The following BBX variants were observed in gnomAD, a reference collection of about 807,000 sequenced individuals.
BBX encodes HMG box transcription factor BBX.
Under a neutral mutation model 100.2 loss-of-function variants are expected in BBX, and 30 were observed. That is an observed-to-expected ratio of 0.30 (90% CI 0.22 to 0.41). The LOEUF is 0.41. BBX is among the 10% of genes least tolerant of loss of function. BBX has a pLI of 1.00. For missense variants in BBX, 1,023 were observed against 1,129.8 expected (o/e 0.91, Z 1.35); for synonymous variants, 376 against 388.1 (o/e 0.97, Z 0.37).
At chr3:107,719,727 T>C (rs919265078) in intron 5 of BBX, among the ~76,000 whole-genome samples, 3 of 152,074 alleles carry the variant, frequency 2.0e-5, no homozygotes, top group South Asian at 4.1e-4. Flanking sequence ...ATGTTGTGGA[T>C]GTTCACAGGT....
At chr3:107,641,534 A>G (rs2057213268) in intron 2 of BBX, among the ~76,000 whole-genome samples, 2 of 152,142 alleles carry the variant, frequency 1.3e-5, no homozygotes, top group African/African-American at 4.8e-5. Context: ...GTTTTCTTAT[A>G]CTTTTTTTTG....
At chr3:107,692,020 T>C (rs1174695866) in intron 3 of BBX, among the ~76,000 whole-genome samples, 1 of 152,156 alleles carries the variant, frequency 6.6e-6, no homozygotes, top group African/African-American at 2.4e-5. Flanking sequence ...ATTCACCATC[T>C]TTCTTACAGT....
In BBX at chr3:107,528,255, C is replaced by T. The variant is rs530444999; in HGVS notation, c.-84+1857C>T. On this transcript the variant is annotated intron_variant, in intron 2 of 17. Coordinates refer to ENST00000325805, the MANE Select transcript of BBX (RefSeq NM_001142568.3). ...AGAATTTAAAGACGTTTTTGCTTCTCCATTTCCAAGTGTTTCCAAACTTCC... is the reference window on the plus strand; with the variant it reads ...AGAATTTAAAGACGTTTTTGCTTCTTCATTTCCAAGTGTTTCCAAACTTCC... Among the ~76,000 whole-genome samples the T allele has an allele frequency of 1.1e-4, 17 of 152,278 alleles. No homozygotes were observed. In the South Asian group the frequency reaches 3.3e-3, roughly 30 times the overall value.
intron 2 of BBX, among the ~76,000 whole-genome samples, chr3:107,622,127 CT>C (rs2055821576): frequency 6.6e-6 from 1 of 152,082 alleles, no homozygotes; most frequent in African/African-American, 2.4e-5. Flanking sequence ...CTGGCAACCC[CT>C]GTTCTCTTCT....
At chr3:107,591,238 C>T (rs181753021) in intron 2 of BBX, among the ~76,000 whole-genome samples, 6 of 151,912 alleles carry the variant, frequency 3.9e-5, no homozygotes, top group Admixed American at 3.9e-4. Flanking sequence ...ACTGTAATGC[C>T]CATCTGAAGA....
In BBX at chr3:107,710,439, C is replaced by G. The variant is rs1479476013; in HGVS notation, c.-9-13C>G. On this transcript the variant is annotated splice_polypyrimidine_tract_variant and intron_variant, in intron 3 of 17. Coordinates refer to ENST00000325805, the MANE Select transcript of BBX (RefSeq NM_001142568.3). ...CCTGTTTCCCTGTTTCTCTCTCTCT[C>G]TTCCTATTACAGGTCACAGTAATGA... is the stretch of plus-strand genomic sequence containing the variant. 6.3e-7 allele frequency: 1 copy of G among 1,579,124 alleles called. No homozygotes were observed. Among genetic ancestry groups the G allele is most frequent in the South Asian group, 1.2e-5 (1 of 85,848 alleles).
rs530632391 is a variant in BBX, at chr3:107,647,883, CAGAGGAA to C, written c.-10+1986_-10+1992del. The stretch of plus-strand genomic sequence containing the variant: ...GTCTTTCTGGCATGTACATGTCTTG[CAGAGGAA>C]AGAGGAAAGAGAAAAGTGATGGAAC... On this transcript the variant is annotated intron_variant, in intron 3 of 17. Coordinates refer to ENST00000325805, the MANE Select transcript of BBX (RefSeq NM_001142568.3). 1.5e-4 allele frequency among the ~76,000 whole-genome samples: 23 copies of C among 152,184 alleles called. No individual in the cohort carries two copies. The South Asian group carries it at 3.3e-3, about 22-fold the overall frequency.
At chr3:107,612,520 G>T (rs567529693) in intron 2 of BBX, among the ~76,000 whole-genome samples, 1 of 152,122 alleles carries the variant, frequency 6.6e-6, no homozygotes, top group Non-Finnish European at 1.5e-5. Flanking sequence ...TGGTGATCTC[G>T]GATAAGATCC....
At chr3:107,582,865 C>T (rs1222319693) in intron 2 of BBX, among the ~76,000 whole-genome samples, 1 of 151,882 alleles carries the variant, frequency 6.6e-6, no homozygotes, top group Non-Finnish European at 1.5e-5. Flanking sequence ...AACTCAAAAT[C>T]ATCTTTGTTG....
At chr3:107,598,329 C>T (rs1339205785) in intron 2 of BBX, among the ~76,000 whole-genome samples, 2 of 152,274 alleles carry the variant, frequency 1.3e-5, no homozygotes, top group African/African-American at 4.8e-5. Context: ...TTTTCCTGCG[C>T]ATGAGTCTTT....
chr3:107,586,315 T>A (rs2052832361), intron 2 of BBX, among the ~76,000 whole-genome samples: 1 of 152,234 alleles, frequency 6.6e-6, no homozygotes, highest in Admixed American at 6.5e-5. Context: ...TGCAGTTTGT[T>A]GTACATACGT....
chr3:107,683,712 G>A (rs1192732770), intron 3 of BBX, among the ~76,000 whole-genome samples: 6 of 152,266 alleles, frequency 3.9e-5, no homozygotes, highest in East Asian at 1.9e-4. Flanking sequence ...TAGATTTGGC[G>A]TTAGAGGTCA....
At chr3:107,655,293 T>C (rs2058066262) in intron 3 of BBX, among the ~76,000 whole-genome samples, 1 of 152,138 alleles carries the variant, frequency 6.6e-6, no homozygotes, top group East Asian at 1.9e-4. Context: ...CATTTGTCAT[T>C]CAGTGGATTA....
At chr3:107,760,018 A>G (rs1205763490) in intron 10 of BBX, among the ~76,000 whole-genome samples, 1 of 152,202 alleles carries the variant, frequency 6.6e-6, no homozygotes, top group African/African-American at 2.4e-5. Flanking sequence ...CTTTATATGT[A>G]CTAATTTGAT....
intron 7 of BBX, among the ~76,000 whole-genome samples, chr3:107,743,391 T>C (rs1170247154): frequency 6.6e-6 from 1 of 152,226 alleles, no homozygotes; most frequent in African/African-American, 2.4e-5. Context: ...TGTGTCTCCT[T>C]GGTGGGACAT....
chr3:107,789,658 GATGACATTT>G (rs776037051), intron 13 of BBX, 120 bp from the exon 14 acceptor site: 2 of 628,694 alleles, frequency 3.2e-6, no homozygotes, highest in Non-Finnish European at 2.6e-6. Flanking sequence ...GAAGATGCAA[GATGACATTT>G]ATTGAGATTC....
rs755636780 is a variant in BBX, at chr3:107,728,861, A to G, written c.502A>G (p.Lys168Glu). 6.2e-7 allele frequency: 1 copy of G among 1,613,984 alleles called. No homozygotes were observed. Among genetic ancestry groups the G allele is most frequent in the Non-Finnish European group, 8.5e-7 (1 of 1,179,880 alleles). Residue 168 changes from lysine (K) to glutamate (E), a missense_variant, in exon 6 of 18, where the codon AAG becomes GAG. By Grantham distance (56) the Lys-to-Glu change is moderately conservative. Transcript: ENST00000325805. ...CCCAACACCCACTGTCAATCCACGA[A>G]AGAAACTTTGGGCCTTCCCATCTGA... ...KSPTPTVNPR[K>E]KLWAFPSDSS...
chr3:107,606,288 T>C (rs996914328), intron 2 of BBX, among the ~76,000 whole-genome samples: 3 of 152,246 alleles, frequency 2.0e-5, no homozygotes, highest in Non-Finnish European at 4.4e-5. Flanking sequence ...GTTCACTATA[T>C]TGTAGTTACT....
intron 10 of BBX, among the ~76,000 whole-genome samples, chr3:107,763,419 A>G (rs2066081326): frequency 6.6e-6 from 1 of 152,170 alleles, no homozygotes; most frequent in African/African-American, 2.4e-5. Context: ...TTTAAAGCAG[A>G]ACAAATTAAA....
Sources: gnomAD v4.1 joint callset for allele counts (sites outside exome capture counted in the v4.1 genomes callset) on GRCh38, gnomAD v4.1.1 for gene constraint, MANE v1.5 for transcripts, NCBI Gene and HGNC (gene_info 2026-07-23, HGNC 2026-07-21) for gene names.